Variants in MLLT10 observed in about 807,000 individuals in gnomAD.
MLLT10 encodes MLLT10 histone lysine methyltransferase DOT1L cofactor.
Under a neutral mutation model 129.1 loss-of-function variants are expected in MLLT10, and 30 were observed. The observed-to-expected ratio is 0.23, with a 90% confidence interval of 0.17 to 0.32. The LOEUF is 0.32. MLLT10 is among the 10% of genes least tolerant of loss of function. The probability of loss-of-function intolerance (pLI) is 1.00; values close to 1 mark genes in which losing one functional copy is unlikely to be tolerated. For synonymous variants in MLLT10, 490 were observed against 446.4 expected, an observed-to-expected ratio of 1.10 and a Z score of -1.23; for missense variants, 1,119 against 1,268.3, an observed-to-expected ratio of 0.88 and a Z score of 1.79.
intron 3 of MLLT10, chr10:21,557,128 T>G: frequency 1.4e-6 from 2 of 1,384,978 alleles, no homozygotes; most frequent in Non-Finnish European, 1.9e-6. Flanking sequence ...CCTTTTGTCT[T>G]TTCCTCTTCG....
intron 2 of MLLT10, among the ~76,000 whole-genome samples, chr10:21,538,175 TA>T (rs1241429585): frequency 2.0e-5 from 3 of 146,496 alleles, no homozygotes; most frequent in Non-Finnish European, 3.0e-5. Flanking sequence ...TTTTTTTTTT[TA>T]AATTTGAGAC....
At chr10:21,705,499 G>A (rs1006262265) in intron 13 of MLLT10, among the ~76,000 whole-genome samples, 2 of 152,162 alleles carry the variant, frequency 1.3e-5, no homozygotes, top group African/African-American at 4.8e-5. Flanking sequence ...CCAGCAGAAT[G>A]TTCAGGTAGC....
chr10:21,693,591 T>C (rs891757693), intron 13 of MLLT10, among the ~76,000 whole-genome samples: 3 of 152,144 alleles, frequency 2.0e-5, no homozygotes, highest in African/African-American at 7.2e-5. Flanking sequence ...TTGTGATATG[T>C]CTATGTATGA....
chr10:21,717,700 C>CCTA, intron 14 of MLLT10, among the ~76,000 whole-genome samples: 1 of 96,716 alleles, frequency 1.0e-5, no homozygotes, highest in Non-Finnish European at 1.9e-5. Context: ...TCCTCCTCCT[C>CCTA]TTCCTCCTCC....
intron 3 of MLLT10, among the ~76,000 whole-genome samples, chr10:21,565,318 G>A (rs1311068320): frequency 6.6e-6 from 1 of 151,882 alleles, no homozygotes; most frequent in Non-Finnish European, 1.5e-5. Context: ...TGTTTTTTGT[G>A]TTTGTTTGAG....
chr10:21,624,474 C>T, intron 8 of MLLT10: 1 of 588,204 alleles, frequency 1.7e-6, no homozygotes, highest in East Asian at 2.9e-5. Flanking sequence ...CAGCCCAATA[C>T]AAATGGCAGC....
At chr10:21,565,231 T>A (rs1237456419) in intron 3 of MLLT10, among the ~76,000 whole-genome samples, 1 of 152,204 alleles carries the variant, frequency 6.6e-6, no homozygotes, top group African/African-American at 2.4e-5. Context: ...TATACCTTTT[T>A]AATTTTTTTT....
At chr10:21,678,381 G>T (rs1398906084) in intron 11 of MLLT10, among the ~76,000 whole-genome samples, 1 of 152,146 alleles carries the variant, frequency 6.6e-6, no homozygotes, top group Non-Finnish European at 1.5e-5. Flanking sequence ...GGGATTACAG[G>T]TGTGAGCCAC....
intron 13 of MLLT10, among the ~76,000 whole-genome samples, chr10:21,691,607 C>T (rs1336100638): frequency 3.9e-5 from 6 of 151,968 alleles, no homozygotes; most frequent in Non-Finnish European, 7.4e-5. Context: ...ATTTTCCACC[C>T]AGATTAGGTC....
At chr10:21,619,029 T>TACACACACACACACAC (rs66469025) in intron 8 of MLLT10, among the ~76,000 whole-genome samples, 37 of 143,884 alleles carry the variant, frequency 2.6e-4, no homozygotes, top group South Asian at 6.9e-4. Flanking sequence ...CCTGGTGACA[T>TACACACACACACACAC]ACACACACAC....
chr10:21,645,006 T>TCG (rs761978610), intron 8 of MLLT10, among the ~76,000 whole-genome samples: 8 of 152,204 alleles, frequency 5.3e-5, no homozygotes, highest in Non-Finnish European at 8.8e-5. Context: ...TTTCTTCCTC[T>TCG]CGCCTTCAGT....
chr10:21,719,433 T>C (rs1232684825), intron 14 of MLLT10, among the ~76,000 whole-genome samples: 2 of 152,236 alleles, frequency 1.3e-5, no homozygotes, highest in Non-Finnish European at 1.5e-5. Flanking sequence ...CACAGTCACA[T>C]ATCTGTAAGT....
intron 13 of MLLT10, chr10:21,688,384 C>G (rs940808164): frequency 2.2e-6 from 2 of 891,554 alleles, no homozygotes; most frequent in Non-Finnish European, 3.6e-6. Context: ...GATCCACCCC[C>G]ACACTGCACC....
At chr10:21,731,709 A>G (rs2057984361) in intron 17 of MLLT10, among the ~76,000 whole-genome samples, 1 of 152,204 alleles carries the variant, frequency 6.6e-6, no homozygotes, top group African/African-American at 2.4e-5. Flanking sequence ...TGTACTATAT[A>G]TCTGTGTTTC....
chr10:21,708,331 A>G (rs1373763171), intron 13 of MLLT10, among the ~76,000 whole-genome samples: 1 of 152,202 alleles, frequency 6.6e-6, no homozygotes, highest in Non-Finnish European at 1.5e-5. Flanking sequence ...GCTCTGTTTA[A>G]TTCAATGAAT....
intron 8 of MLLT10, among the ~76,000 whole-genome samples, chr10:21,647,473 T>C (rs937636362): frequency 1.3e-5 from 2 of 152,098 alleles, no homozygotes; most frequent in African/African-American, 2.4e-5. Context: ...CTGGGGAAAA[T>C]AGCAAGACCC....
intron 13 of MLLT10, chr10:21,688,383 C>T: frequency 1.1e-6 from 1 of 885,444 alleles, no homozygotes; most frequent in Non-Finnish European, 1.8e-6. Context: ...TGATCCACCC[C>T]CACACTGCAC....
At chr10:21,729,593 A>G (rs2057789707) in intron 16 of MLLT10, among the ~76,000 whole-genome samples, 1 of 152,230 alleles carries the variant, frequency 6.6e-6, no homozygotes, top group African/African-American at 2.4e-5. Context: ...CAAGAACACT[A>G]GTGGGTTGTT....
At chr10:21,671,524 A>C (rs1330624045) in intron 10 of MLLT10, among the ~76,000 whole-genome samples, 1 of 152,132 alleles carries the variant, frequency 6.6e-6, no homozygotes, top group Non-Finnish European at 1.5e-5. Flanking sequence ...ACAGTGGCTC[A>C]TGCCTGTAAT....
Sources: gnomAD v4.1 joint callset for allele counts (sites outside exome capture counted in the v4.1 genomes callset) on GRCh38, gnomAD v4.1.1 for gene constraint, MANE v1.5 for transcripts, NCBI Gene and HGNC (gene_info 2026-07-23, HGNC 2026-07-21) for gene names.